The following PDE10A variants were observed in gnomAD, a reference collection of about 807,000 sequenced individuals.
PDE10A encodes the protein cAMP and cAMP-inhibited cGMP 3',5'-cyclic phosphodiesterase 10A.
PDE10A carries 39 observed loss-of-function variants against 97.7 expected under a neutral mutation model. The ratio of observed to expected loss-of-function variants is 0.40; its 90% CI spans 0.31 to 0.52. The LOEUF (loss-of-function observed/expected upper bound fraction) is 0.52, where lower values mean the gene tolerates loss of function less well. Among genes scored for constraint, PDE10A ranks in the 20% least tolerant of loss-of-function variants. PDE10A has a pLI of 0.56. For missense variants in PDE10A, 731 were observed against 1,047.8 expected (o/e 0.70, Z 4.17); for synonymous variants, 371 against 376.8 (o/e 0.98, Z 0.18).
At chr6:165,702,467 A>G (rs886691655) in intron 1 of PDE10A, among the ~76,000 whole-genome samples, 11 of 152,316 alleles carry the variant, frequency 7.2e-5, no homozygotes, top group Middle Eastern at 3.4e-3. Context: ...GAACAGCCTT[A>G]ACTGTGACAA....
intron 2 of PDE10A, among the ~76,000 whole-genome samples, chr6:165,503,871 G>C (rs895979604): frequency 1.3e-5 from 2 of 152,246 alleles, no homozygotes; most frequent in East Asian, 1.9e-4. Flanking sequence ...TCCACTAACA[G>C]TGGGAAATAT....
At chr6:165,627,654 T>C (rs980518259) in intron 1 of PDE10A, among the ~76,000 whole-genome samples, 3 of 152,196 alleles carry the variant, frequency 2.0e-5, no homozygotes, top group Admixed American at 6.5e-5. Context: ...AGCAGAGTAA[T>C]CAAACACCAC....
intron 1 of PDE10A, among the ~76,000 whole-genome samples, chr6:165,931,413 G>A (rs1467210619): frequency 6.6e-6 from 1 of 152,228 alleles, no homozygotes; most frequent in Admixed American, 6.5e-5. Flanking sequence ...ATGGACTGCA[G>A]CAGAGTGAAT....
chr6:165,367,239 A>G (rs1404183996), intron 18 of PDE10A, among the ~76,000 whole-genome samples: 1 of 102,124 alleles, frequency 9.8e-6, no homozygotes, highest in Non-Finnish European at 2.0e-5. Flanking sequence ...ACACACACAC[A>G]TATGTGTGTG....
At chr6:165,849,475 G>A (rs1261548979) in intron 1 of PDE10A, among the ~76,000 whole-genome samples, 1 of 152,236 alleles carries the variant, frequency 6.6e-6, no homozygotes, top group Non-Finnish European at 1.5e-5. Flanking sequence ...CCCCTTGGGA[G>A]TAATTATCCC....
intron 1 of PDE10A, among the ~76,000 whole-genome samples, chr6:165,739,486 A>G (rs1201992521): frequency 6.6e-6 from 1 of 152,190 alleles, no homozygotes; most frequent in Non-Finnish European, 1.5e-5. Context: ...ACAAAAATCA[A>G]CTCAAGCTAG....
Position 165,671,141 on chromosome 6 carries a change from T to C in PDE10A, c.-614-127573A>G, listed in dbSNP as rs537012350. 2.7e-4 allele frequency among the ~76,000 whole-genome samples: 41 copies of C among 152,208 alleles called. No individual in the cohort carries two copies. In the East Asian group the frequency reaches 7.7e-3, roughly 29 times the overall value. ...TTTTGGGTAAAACGTTCACTAATTT[T>C]TTTTTTTTTAAGAATCAACAACAAA... On this transcript the variant is annotated intron_variant, in intron 1 of 19. Coordinates refer to the PDE10A transcript ENST00000366882. The surrounding 1 kb of genome is among the most constrained non-coding windows in gnomAD (Gnocchi z 4.6).
At position 165,384,441 on chromosome 6, in the gene PDE10A, G is replaced by C. The variant is rs530775961; in HGVS notation, c.2610+3857C>G. Among the ~76,000 whole-genome samples, 364 of 152,248 alleles carry C rather than the reference G, an allele frequency of 2.4e-3. 2 individuals are homozygous for C. The highest frequency in any genetic ancestry group is 8.5e-3 in the African/African-American group (355 of 41,538). ...AAGCTCAGGGAAAAATGAGAACGCAGACTGACCTTCTCTGCAGATGCTCTT... is the reference window on the plus strand; with the variant it reads ...AAGCTCAGGGAAAAATGAGAACGCACACTGACCTTCTCTGCAGATGCTCTT... On this transcript the variant is annotated intron_variant, in intron 17 of 21. Coordinates refer to ENST00000539869, the MANE Select transcript of PDE10A (RefSeq NM_001385079.1).
intron 1 of PDE10A, among the ~76,000 whole-genome samples, chr6:165,808,849 G>A (rs1193887140): frequency 6.6e-6 from 1 of 152,240 alleles, no homozygotes. Context: ...TGAAGGCTGT[G>A]TATTAAAATA....
In PDE10A at chr6:165,882,607, C is replaced by T. The variant is rs139112527; in HGVS notation, c.-615+104922G>A. ...TCAACGGTGTTTTGCTGAAAACTGA[C>T]GGCAACCTTCAAAAGCATACAAGGA... On this transcript the variant is annotated intron_variant, in intron 1 of 19. Coordinates refer to the PDE10A transcript ENST00000366882. 4.1e-3 allele frequency among the ~76,000 whole-genome samples: 621 copies of T among 152,244 alleles called. 5 individuals are homozygous for T. Among genetic ancestry groups the T allele is most frequent in the African/African-American group, 0.014 (570 of 41,542 alleles).
intron 1 of PDE10A, among the ~76,000 whole-genome samples, chr6:165,578,843 C>T (rs1356519424): frequency 6.6e-6 from 1 of 152,172 alleles, no homozygotes; most frequent in Admixed American, 6.5e-5. Context: ...TAAGGGAAGA[C>T]CGACCACAAA....
chr6:165,826,484 C>CGTCCCTCTGTCCGTGTCCCTCTGTCCGT (rs141620582), intron 1 of PDE10A, among the ~76,000 whole-genome samples: 9,741 of 150,082 alleles, frequency 0.065, 461 homozygotes, highest in South Asian at 0.15. Context: ...CCTGTCCCCA[C>CGTCCCTCTGTCCGTGTCCCTCTGTCCGT]GTCCCTCTGT....
Position 165,662,031 on chromosome 6 carries a change from G to C in PDE10A, c.781C>G (p.Leu261Val). The C allele has an allele frequency of 9.4e-6, 14 of 1,487,882 alleles. No individual in the cohort carries two copies. Among genetic ancestry groups the C allele is most frequent in the Non-Finnish European group, 1.2e-5 (13 of 1,112,460 alleles). 92.2% of individuals were successfully genotyped at this position (1,487,882 alleles called of 1,614,324 possible). Reference sequence around the variant, plus strand: ...TCTTCCATGTCGGAGCCGAAGAGCAGCGCGGCCGCGGCGGCGAGGGCGAAG... The same window carrying C: ...TCTTCCATGTCGGAGCCGAAGAGCACCGCGGCCGCGGCGGCGAGGGCGAAG... The part of the protein sequence containing the change: ...ASFALAAAAA[L>V]LFGSDMEDGP... Residue 261 changes from leucine (L) to valine (V), a missense_variant, in exon 1 of 22, where the codon CTG (leucine) becomes GTG (valine). Leu to Val is a conservative substitution (Grantham distance 32). This residue lies in a region of PDE10A where 181 missense variants were observed against 159.1 expected (regional missense o/e 1.14). Coordinates refer to ENST00000539869, the MANE Select transcript of PDE10A (RefSeq NM_001385079.1).
Position 165,842,306 on chromosome 6 carries a change from G to A in PDE10A, c.-615+145223C>T, listed in dbSNP as rs574955254. Among the ~76,000 whole-genome samples, 3 of 152,134 alleles carry A rather than the reference G, an allele frequency of 2.0e-5. No homozygotes were observed. The South Asian group carries it at 6.2e-4, about 32-fold the overall frequency. On this transcript the variant is annotated intron_variant, in intron 1 of 19. Transcript: ENST00000366882. ...TCTCTCTAGTTTCATCCAGGCTGGT[G>A]ATATACCTGCATGACTTCCATTAAA...
chr6:165,667,507 C>T (rs898747469), upstream of PDE10A, among the ~76,000 whole-genome samples: 5 of 151,682 alleles, frequency 3.3e-5, no homozygotes, highest in African/African-American at 9.7e-5. Flanking sequence ...AATTAGAATT[C>T]GTTATAATTT....
chr6:165,503,247 C>G (rs1228365585), intron 2 of PDE10A, among the ~76,000 whole-genome samples: 1 of 152,138 alleles, frequency 6.6e-6, no homozygotes, highest in Non-Finnish European at 1.5e-5. Flanking sequence ...CAAACAACTT[C>G]AAGGTTATTC....
chr6:165,761,274 G>C (rs933887727), intron 1 of PDE10A, among the ~76,000 whole-genome samples: 1 of 152,180 alleles, frequency 6.6e-6, no homozygotes, highest in Non-Finnish European at 1.5e-5. Context: ...ACAACAAAAC[G>C]AGGCTAAATA....
chr6:165,839,460 T>C (rs1583172048), intron 1 of PDE10A, among the ~76,000 whole-genome samples: 1 of 152,222 alleles, frequency 6.6e-6, no homozygotes, highest in African/African-American at 2.4e-5. Flanking sequence ...TTCCCAATTC[T>C]ATTCCCAATA....
intron 1 of PDE10A, among the ~76,000 whole-genome samples, chr6:165,611,731 T>A (rs79346525): frequency 0.029 from 4,428 of 152,352 alleles, 199 homozygotes; most frequent in African/African-American, 0.098. Context: ...TTCTGTAAGA[T>A]AGTCTGCCAC....
Sources: gnomAD v4.1 joint callset for allele counts (sites outside exome capture counted in the v4.1 genomes callset) on GRCh38, gnomAD v4.1.1 for gene constraint, gnomAD v4.1.1 regional missense constraint, Gnocchi (gnomAD v3.1) non-coding constraint, MANE v1.5 for transcripts, NCBI Gene and HGNC (gene_info 2026-07-23, HGNC 2026-07-21) for gene names.